The following UNC13C variants were observed in gnomAD, a reference collection of about 807,000 sequenced individuals.
UNC13C encodes unc-13 homolog C.
UNC13C carries 174 observed loss-of-function variants against 245.4 expected under a neutral mutation model. The observed-to-expected ratio is 0.71, with a 90% CI of 0.63 to 0.80. The LOEUF is 0.80. Among genes scored for constraint, UNC13C ranks in the 30% least tolerant of loss-of-function variants. UNC13C has a pLI of 0.00. For missense variants in UNC13C, 2,829 were observed against 2,602.9 expected (o/e 1.09, Z -1.89); for synonymous variants, 992 against 895.1 (o/e 1.11, Z -1.93).
intron 2 of UNC13C, among the ~76,000 whole-genome samples, chr15:54,127,224 T>G (rs1384242112): frequency 6.6e-6 from 1 of 152,222 alleles, no homozygotes; most frequent in African/African-American, 2.4e-5. Flanking sequence ...CAAAGGATTA[T>G]AAATCATTCT....
intron 4 of UNC13C, among the ~76,000 whole-genome samples, chr15:54,221,433 C>T (rs878980800): frequency 1.9e-4 from 29 of 151,716 alleles, no homozygotes; most frequent in African/African-American, 6.3e-4. Flanking sequence ...TAATATTTAG[C>T]AGGTGGAAAT....
Position 54,184,990 on chromosome 15 carries a change from G to T in UNC13C, c.3071+41306G>T, listed in dbSNP as rs1333873085. On this transcript the variant is annotated intron_variant, in intron 4 of 32. Coordinates refer to ENST00000260323, the MANE Select transcript of UNC13C (RefSeq NM_001080534.3). ...TGGTGTGAGATGGTATCTCACTGTG[G>T]TTTTGATTTGCATTTCTCTGATGGC... Among the ~76,000 whole-genome samples, 3 of 152,072 alleles carry T rather than the reference G, an allele frequency of 2.0e-5. No homozygotes were observed. The South Asian group carries it at 6.2e-4, about 31-fold the overall frequency.
intron 4 of UNC13C, among the ~76,000 whole-genome samples, chr15:54,185,841 A>G (rs1049486044): frequency 1.3e-5 from 2 of 151,000 alleles, no homozygotes; most frequent in Non-Finnish European, 2.9e-5. Context: ...ATGGCATTGA[A>G]TCTATAAATT....
At chr15:53,851,765 G>A in the UNC13C span, among the ~76,000 whole-genome samples, 3 of 152,060 alleles carry the variant, frequency 2.0e-5, no homozygotes, top group Non-Finnish European at 4.4e-5. Flanking sequence ...GTTCAATCAC[G>A]CCTGTCCAAC....
At chr15:54,153,183 C>T (rs939193072) in intron 4 of UNC13C, among the ~76,000 whole-genome samples, 5 of 152,048 alleles carry the variant, frequency 3.3e-5, no homozygotes, top group African/African-American at 4.8e-5. Flanking sequence ...TCAGATATGA[C>T]AAAATCTATC....
intron 2 of UNC13C, among the ~76,000 whole-genome samples, chr15:54,131,697 A>C (rs1025277439): frequency 3.3e-5 from 5 of 152,182 alleles, no homozygotes; most frequent in African/African-American, 1.2e-4. Context: ...CTAGTCATGC[A>C]CTGGGGATCT....
intron 2 of UNC13C, among the ~76,000 whole-genome samples, chr15:54,089,470 C>T (rs1293595455): frequency 5.4e-5 from 8 of 149,256 alleles, no homozygotes; most frequent in Non-Finnish European, 9.0e-5. Flanking sequence ...GAGCAGTATT[C>T]AGGCTGTATC....
intron 19 of UNC13C, among the ~76,000 whole-genome samples, chr15:54,419,205 G>C (rs761314470): frequency 1.1e-4 from 17 of 152,132 alleles, no homozygotes; most frequent in Non-Finnish European, 2.9e-5. Flanking sequence ...GTTTACCTGA[G>C]TAATATACCA....
At chr15:54,304,828 T>C (rs1212970496) in intron 13 of UNC13C, among the ~76,000 whole-genome samples, 1 of 152,010 alleles carries the variant, frequency 6.6e-6, no homozygotes, top group Non-Finnish European at 1.5e-5. Flanking sequence ...CTAAGGAAAT[T>C]ACTACCAACA....
At chr15:54,498,901 G>T (rs1894074729) in intron 20 of UNC13C, among the ~76,000 whole-genome samples, 2 of 152,092 alleles carry the variant, frequency 1.3e-5, no homozygotes, top group Non-Finnish European at 2.9e-5. Context: ...TAAAATGCAT[G>T]TAGAAATGCA....
intron 30 of UNC13C, among the ~76,000 whole-genome samples, chr15:54,616,118 C>A (rs551991195): frequency 6.6e-6 from 1 of 152,042 alleles, no homozygotes; most frequent in African/African-American, 2.4e-5. Context: ...GGATTTCTTA[C>A]TAACCTCTCA....
chr15:54,071,000 G>GT (rs1175602393), intron 2 of UNC13C, among the ~76,000 whole-genome samples: 2 of 152,078 alleles, frequency 1.3e-5, no homozygotes, highest in Non-Finnish European at 2.9e-5. Flanking sequence ...TGGAAAGGCA[G>GT]TTTTTTTAAC....
intron 8 of UNC13C, among the ~76,000 whole-genome samples, chr15:54,259,154 G>T (rs929180605): frequency 1.3e-5 from 2 of 152,180 alleles, no homozygotes; most frequent in Non-Finnish European, 2.9e-5. Flanking sequence ...CTTCCCAAAG[G>T]CCTCATCTTT....
rs542799161 is a variant in UNC13C, at chr15:54,052,211, G to T, written c.2983+36325G>T. 3.0e-3 allele frequency among the ~76,000 whole-genome samples: 311 copies of T among 105,374 alleles called. 3 individuals are homozygous for T. The highest frequency in any genetic ancestry group is 0.011 in the African/African-American group (301 of 27,812). 69.1% of individuals were successfully genotyped at this position (105,374 alleles called of 152,430 possible). On this transcript the variant is annotated intron_variant, in intron 2 of 32. Coordinates refer to ENST00000260323, the MANE Select transcript of UNC13C (RefSeq NM_001080534.3). The stretch of plus-strand genomic sequence containing the variant: ...AGTCTTTGCTATTGTGAATAATGCC[G>T]CAATAAACATACGTGTGCATGTGTC...
intron 18 of UNC13C, among the ~76,000 whole-genome samples, chr15:54,393,797 G>A (rs1229103575): frequency 6.6e-6 from 1 of 151,468 alleles, no homozygotes; most frequent in Admixed American, 6.6e-5. Flanking sequence ...AATTTCCCTG[G>A]GTCTCAATTT....
intron 18 of UNC13C, among the ~76,000 whole-genome samples, chr15:54,413,912 G>A (rs2040465874): frequency 6.6e-6 from 1 of 152,136 alleles, no homozygotes; most frequent in South Asian, 2.1e-4. Context: ...TATATATAGA[G>A]AGAAAATACT....
At chr15:54,321,092 C>A (rs2075406860) in intron 13 of UNC13C, 2 of 490,036 alleles carry the variant, frequency 4.1e-6, no homozygotes, top group South Asian at 3.0e-5. Flanking sequence ...CTTTTAGGAC[C>A]ACTTTGACCT....
intron 2 of UNC13C, among the ~76,000 whole-genome samples, chr15:54,047,126 C>T (rs1052812152): frequency 6.6e-6 from 1 of 151,994 alleles, no homozygotes; most frequent in Admixed American, 6.6e-5. Context: ...ACTAGTCAAA[C>T]AGGTTTATCA....
At chr15:54,352,562 A>G (rs1281655843) in intron 17 of UNC13C, among the ~76,000 whole-genome samples, 1 of 151,832 alleles carries the variant, frequency 6.6e-6, no homozygotes, top group Admixed American at 6.6e-5. Context: ...TCGTCAGAAC[A>G]GTGTCAAACA....
Sources: gnomAD v4.1 joint callset for allele counts (sites outside exome capture counted in the v4.1 genomes callset) on GRCh38, gnomAD v4.1.1 for gene constraint, MANE v1.5 for transcripts, NCBI Gene and HGNC (gene_info 2026-07-23, HGNC 2026-07-21) for gene names.